Variants in KDM6A observed in about 807,000 individuals in gnomAD.
KDM6A encodes lysine-specific demethylase 6A.
A neutral mutation model predicts 117.6 loss-of-function variants in KDM6A; 11 were observed. The observed-to-expected ratio is 0.09, with a 90% CI of 0.06 to 0.15. The LOEUF is 0.15. Ranked by LOEUF, KDM6A falls within the 10% of genes least tolerant of loss-of-function variation. KDM6A has a pLI of 1.00. For missense variants in KDM6A, 799 were observed against 1,077.3 expected (o/e 0.74, Z 3.62); for synonymous variants, 384 against 396.1 (o/e 0.97, Z 0.36).
At chrX:45,096,018 T>A (rs1312358532) in intron 27 of KDM6A, among the ~76,000 whole-genome samples, 1 of 111,856 alleles carries the variant, frequency 8.9e-6, no homozygotes, top group African/African-American at 3.2e-5. Context: ...AACTGCAGTT[T>A]TTACATCTCC....
rs1569535638 is a variant in KDM6A, at chrX:45,069,958, A to C, written c.2459A>C (p.Lys820Thr). 1.7e-6 allele frequency: 2 copies of C among 1,211,987 alleles called. No homozygotes were observed. The highest frequency in any genetic ancestry group is 3.0e-5 in the East Asian group (1 of 33,837). ...TGCAGTCCTAGCCATGGAGATTCTA[A>C]GTCACCAGGTTTACTAAGTTCAGAC... ...AVCSPSHGDSKSPGLLSSDNP... is the reference protein window; with the variant it reads ...AVCSPSHGDSTSPGLLSSDNP... Residue 820 changes from lysine (K) to threonine (T), a missense_variant, in exon 18 of 30, where the codon AAG (lysine) becomes ACG (threonine). Physicochemically the swap from Lys to Thr is moderately conservative, Grantham distance 78. Around this residue, in one of 8 missense-constraint regions of KDM6A, gnomAD observed 301 missense variants for 318.3 expected, o/e 0.95. Transcript: ENST00000611820.
intron 6 of KDM6A, among the ~76,000 whole-genome samples, chrX:45,021,320 G>T (rs2042161840): frequency 8.9e-6 from 1 of 111,963 alleles, no homozygotes; most frequent in African/African-American, 3.2e-5. Context: ...AGTTTTTTAT[G>T]CTATCTGAAC....
chrX:44,917,135 C>T (rs768502771), intron 2 of KDM6A, among the ~76,000 whole-genome samples: 55 of 109,521 alleles, frequency 5.0e-4, no homozygotes, highest in African/African-American at 1.7e-3. Flanking sequence ...AAGCGATTCT[C>T]CTGCCTCAGC....
intron 2 of KDM6A, among the ~76,000 whole-genome samples, chrX:44,940,463 A>G (rs916496388): frequency 1.8e-5 from 2 of 111,996 alleles, no homozygotes; most frequent in Non-Finnish European, 3.8e-5. Flanking sequence ...AGCTCACAGT[A>G]GTGGTGGGTT....
At chrX:44,968,829 G>T (rs1005645384) in intron 3 of KDM6A, among the ~76,000 whole-genome samples, 3 of 110,306 alleles carry the variant, frequency 2.7e-5, no homozygotes, top group Non-Finnish European at 5.7e-5. Context: ...AATTAGCAGG[G>T]CGTGGTGGCG....
chrX:45,011,122 A>T (rs2041736238), intron 5 of KDM6A, 103 bp downstream of exon 5: 2 of 585,800 alleles, frequency 3.4e-6, no homozygotes, highest in Non-Finnish European at 2.8e-6. Context: ...ATAAATAGAA[A>T]ATTTAGTGTC....
At chrX:45,047,995 T>A (rs942590643) in intron 8 of KDM6A, among the ~76,000 whole-genome samples, 2 of 108,645 alleles carry the variant, frequency 1.8e-5, no homozygotes, top group Non-Finnish European at 3.8e-5. Context: ...CCCCCATCTC[T>A]ACTAAAAATA....
intron 17 of KDM6A, 146 bp downstream of exon 17, chrX:45,063,963 C>A: frequency 1.8e-6 from 1 of 546,162 alleles, no homozygotes; most frequent in South Asian, 2.6e-5. Context: ...CATTGTGATT[C>A]ATTATGTACA....
intron 4 of KDM6A, among the ~76,000 whole-genome samples, chrX:44,995,815 T>A (rs1247307055): frequency 9.0e-6 from 1 of 111,509 alleles, no homozygotes; most frequent in African/African-American, 3.3e-5. Context: ...TATAATCATT[T>A]CTGTTTTTGA....
In KDM6A at chrX:44,990,005, A is replaced by G. The variant is rs190548397; in HGVS notation, c.384+15290A>G. 4.0e-3 allele frequency among the ~76,000 whole-genome samples: 445 copies of G among 111,909 alleles called. 6 individuals carry two copies. The highest frequency in any genetic ancestry group is 0.014 in the African/African-American group (421 of 30,790). ...CCTTAAAAAAAGGATTTGGCTGGCA[A>G]TAGTTTATAGACCACTGTCTTAGAG... is the stretch of plus-strand genomic sequence containing the variant. On this transcript the variant is annotated intron_variant, in intron 4 of 29. Transcript: ENST00000611820.
At chrX:44,958,800 A>G (rs1209085198) in intron 2 of KDM6A, among the ~76,000 whole-genome samples, 3 of 110,058 alleles carry the variant, frequency 2.7e-5, no homozygotes, top group Non-Finnish European at 5.7e-5. Context: ...AATAAAAATA[A>G]TCCTATTGAC....
chrX:44,959,578 A>T (rs761793022), intron 2 of KDM6A, among the ~76,000 whole-genome samples: 2 of 110,553 alleles, frequency 1.8e-5, no homozygotes, highest in Non-Finnish European at 3.8e-5. Context: ...TAAGAGTTTT[A>T]AAAAAAATAC....
chrX:44,943,147 C>T (rs1465894031), intron 2 of KDM6A, among the ~76,000 whole-genome samples: 4 of 110,350 alleles, frequency 3.6e-5, no homozygotes, highest in Non-Finnish European at 7.6e-5. Context: ...TTACATATAC[C>T]GGCATACCTT....
chrX:44,897,482 CT>C (rs2033991369), intron 2 of KDM6A, among the ~76,000 whole-genome samples: 2 of 111,101 alleles, frequency 1.8e-5, no homozygotes, highest in South Asian at 7.5e-4. Flanking sequence ...TCATAATATA[CT>C]TTCCTGGTTT....
At chrX:44,958,728 T>C (rs2038505686) in intron 2 of KDM6A, among the ~76,000 whole-genome samples, 1 of 107,592 alleles carries the variant, frequency 9.3e-6, no homozygotes, top group South Asian at 4.2e-4. Flanking sequence ...TCTGCAGTTG[T>C]GTACAAAGCT....
At chrX:44,939,581 C>T (rs1043500956) in intron 2 of KDM6A, among the ~76,000 whole-genome samples, 2 of 112,234 alleles carry the variant, frequency 1.8e-5, no homozygotes, top group African/African-American at 6.5e-5. Flanking sequence ...ATTTTGTAAA[C>T]TTAGTTAACA....
chrX:44,897,256 GTTTTTA>G (rs202182611), intron 2 of KDM6A, among the ~76,000 whole-genome samples: 2,073 of 87,303 alleles, frequency 0.024, 71 homozygotes, highest in African/African-American at 0.083. Flanking sequence ...CATTCAAAGA[GTTTTTA>G]TTTTAGGTTT....
At chrX:45,016,925 G>C (rs1299737341) in intron 5 of KDM6A, among the ~76,000 whole-genome samples, 1 of 111,736 alleles carries the variant, frequency 8.9e-6, no homozygotes, top group African/African-American at 3.3e-5. Context: ...TATTAAAAAT[G>C]ACCATTGTGA....
intron 6 of KDM6A, among the ~76,000 whole-genome samples, chrX:45,032,370 G>A (rs191888024): frequency 9.0e-6 from 1 of 111,601 alleles, no homozygotes; most frequent in Admixed American, 9.5e-5. Context: ...CTGGAAATGA[G>A]GCTTTGTGGT....
Sources: gnomAD v4.1 joint callset for allele counts (sites outside exome capture counted in the v4.1 genomes callset) on GRCh38, gnomAD v4.1.1 for gene constraint, gnomAD v4.1.1 regional missense constraint, MANE v1.5 for transcripts, NCBI Gene and HGNC (gene_info 2026-07-23, HGNC 2026-07-21) for gene names.